The following SLC24A3 variants were observed in gnomAD, a reference collection of about 807,000 sequenced individuals.
SLC24A3 encodes solute carrier family 24 member 3.
In SLC24A3, 28 loss-of-function variants were observed where a neutral mutation model predicts 75.8. The observed-to-expected ratio is 0.37, with a 90% confidence interval of 0.27 to 0.51. The LOEUF is 0.51. SLC24A3 is among the 20% of genes least tolerant of loss of function. The probability of loss-of-function intolerance (pLI) is 0.94; values close to 1 mark genes in which losing one functional copy is unlikely to be tolerated. For missense variants in SLC24A3, 663 were observed against 847.8 expected (o/e 0.78, Z 2.71); for synonymous variants, 372 against 334.1 (o/e 1.11, Z -1.24).
At chr20:19,333,490 CA>C (rs1336576081) in intron 2 of SLC24A3, among the ~76,000 whole-genome samples, 1 of 152,052 alleles carries the variant, frequency 6.6e-6, no homozygotes, top group East Asian at 1.9e-4. Context: ...ATTGTTTCAC[CA>C]AAGCGGTTTG....
At chr20:19,426,648 T>C (rs1037199044) in intron 2 of SLC24A3, among the ~76,000 whole-genome samples, 11 of 152,236 alleles carry the variant, frequency 7.2e-5, no homozygotes, top group Admixed American at 3.3e-4. Flanking sequence ...AAAATGAGAT[T>C]GCTGCATTGA....
At chr20:19,247,877 C>T (rs545889029) in intron 1 of SLC24A3, among the ~76,000 whole-genome samples, 34 of 152,228 alleles carry the variant, frequency 2.2e-4, no homozygotes, top group African/African-American at 7.7e-4. Context: ...GTTGTAGGTC[C>T]TCCAATTCCT....
At chr20:19,679,057 G>A (rs1273509102) in intron 9 of SLC24A3, among the ~76,000 whole-genome samples, 77 of 151,518 alleles carry the variant, frequency 5.1e-4, no homozygotes, top group African/African-American at 1.6e-3. Flanking sequence ...CATCCCAGAC[G>A]ATGGGCGGCC....
At chr20:19,468,235 GT>G (rs1169446163) in intron 2 of SLC24A3, among the ~76,000 whole-genome samples, 1 of 152,128 alleles carries the variant, frequency 6.6e-6, no homozygotes, top group Non-Finnish European at 1.5e-5. Context: ...ATAGGGATCT[GT>G]TTGTAAGATA....
Position 19,544,596 on chromosome 20 carries a change from C to T in SLC24A3, c.348+29032C>T, listed in dbSNP as rs1224897137. ...AGGGAAGATTGCTCATCATAACACC[C>T]ACTCTTCCTCTGGGGCATTTTTTTT... On this transcript the variant is annotated intron_variant, in intron 3 of 16. Transcript: ENST00000328041. 2.0e-5 allele frequency among the ~76,000 whole-genome samples: 3 copies of T among 148,944 alleles called. No homozygotes were observed. In the Admixed American group the frequency reaches 2.0e-4, roughly 10 times the overall value.
chr20:19,367,490 C>T (rs1568601004), intron 2 of SLC24A3, among the ~76,000 whole-genome samples: 1 of 148,156 alleles, frequency 6.7e-6, no homozygotes, highest in Admixed American at 6.7e-5. Context: ...GAAGCCCTGC[C>T]TTTTTTTTTT....
chr20:19,361,426 G>A (rs1312635035), intron 2 of SLC24A3, among the ~76,000 whole-genome samples: 1 of 152,178 alleles, frequency 6.6e-6, no homozygotes, highest in Non-Finnish European at 1.5e-5. Flanking sequence ...TAAAGAGACA[G>A]TTGACTGCAG....
Position 19,443,827 on chromosome 20 carries a change from C to A in SLC24A3, c.272-71661C>A, listed in dbSNP as rs1357904178. On this transcript the variant is annotated intron_variant, in intron 2 of 16. Transcript: ENST00000328041. ...ACCCTCCCCATAACTGGGGAGTGCTCTACCCATAATTGCCTTGGCATCCAC... is the reference window on the plus strand; with the variant it reads ...ACCCTCCCCATAACTGGGGAGTGCTATACCCATAATTGCCTTGGCATCCAC... 2.0e-5 allele frequency among the ~76,000 whole-genome samples: 3 copies of A among 152,186 alleles called. No homozygotes were observed. In the East Asian group the frequency reaches 5.8e-4, roughly 29 times the overall value.
chr20:19,396,597 C>T (rs1035872326), intron 2 of SLC24A3, among the ~76,000 whole-genome samples: 12 of 152,236 alleles, frequency 7.9e-5, no homozygotes, highest in African/African-American at 2.6e-4. Context: ...TGGTTTAAAC[C>T]CAATAAATAA....
chr20:19,547,278 G>A (rs2030616357), intron 3 of SLC24A3, among the ~76,000 whole-genome samples: 1 of 152,160 alleles, frequency 6.6e-6, no homozygotes, highest in Admixed American at 6.5e-5. Flanking sequence ...AAGAGGCTAG[G>A]TCTAAAGTTC....
chr20:19,717,619 C>T, intron 16 of SLC24A3, 26 bp downstream of exon 16: 2 of 1,613,682 alleles, frequency 1.2e-6, no homozygotes, highest in Non-Finnish European at 1.7e-6. Context: ...TCTCCTCGTA[C>T]TTGTGTTTGC....
At chr20:19,284,200 A>G (rs1983743809) in intron 2 of SLC24A3, 1 of 152,894 alleles carries the variant, frequency 6.5e-6, no homozygotes, top group African/African-American at 2.4e-5. Context: ...TTTTATGAAA[A>G]AAGTTGAGAG....
intron 1 of SLC24A3, among the ~76,000 whole-genome samples, chr20:19,258,832 T>C (rs1600397130): frequency 6.6e-6 from 1 of 151,946 alleles, no homozygotes; most frequent in East Asian, 1.9e-4. Flanking sequence ...TTGTGCAGGG[T>C]CGATCAAGCA....
At chr20:19,303,906 G>A (rs886849204) in intron 2 of SLC24A3, among the ~76,000 whole-genome samples, 5 of 152,116 alleles carry the variant, frequency 3.3e-5, no homozygotes, top group African/African-American at 1.2e-4. Context: ...ATTCACCCAT[G>A]GCTTCTGAGC....
chr20:19,701,411 A>AG (rs1431895080), intron 15 of SLC24A3, among the ~76,000 whole-genome samples: 2 of 152,132 alleles, frequency 1.3e-5, no homozygotes, highest in South Asian at 2.1e-4. Flanking sequence ...ATGCTTCATG[A>AG]GCAAAGGGTG....
At chr20:19,682,203 C>T (rs2032623203) in intron 10 of SLC24A3, among the ~76,000 whole-genome samples, 1 of 151,994 alleles carries the variant, frequency 6.6e-6, no homozygotes. Context: ...TGCAGTGAGC[C>T]GAGATTGCTC....
At chr20:19,707,124 C>T (rs761426306) in intron 15 of SLC24A3, among the ~76,000 whole-genome samples, 24 of 152,290 alleles carry the variant, frequency 1.6e-4, no homozygotes, top group Admixed American at 8.5e-4. Flanking sequence ...AAGACGCACC[C>T]AGCTTCGGAA....
At chr20:19,295,286 T>C (rs1984033071) in intron 2 of SLC24A3, among the ~76,000 whole-genome samples, 1 of 152,350 alleles carries the variant, frequency 6.6e-6, no homozygotes, top group East Asian at 1.9e-4. Flanking sequence ...TTTCTAGATA[T>C]GGGTTCATGT....
At chr20:19,483,129 AG>A (rs1354788454) in intron 2 of SLC24A3, among the ~76,000 whole-genome samples, 1 of 152,224 alleles carries the variant, frequency 6.6e-6, no homozygotes, top group Non-Finnish European at 1.5e-5. Context: ...TGCTAAGGCC[AG>A]GCACATCAGG....
Sources: allele counts gnomAD v4.1 joint callset (sites outside exome capture counted in the v4.1 genomes callset), GRCh38; gene constraint gnomAD v4.1.1; transcripts MANE v1.5; gene names NCBI Gene and HGNC (gene_info 2026-07-23, HGNC 2026-07-21).